Variants in BIRC6 observed in about 807,000 individuals in gnomAD.
The protein encoded by BIRC6 is baculoviral IAP repeat containing 6.
In BIRC6, 98 loss-of-function variants were observed where a neutral mutation model predicts 503.3. That is an observed-to-expected ratio of 0.19 (90% CI 0.17 to 0.23). The LOEUF (loss-of-function observed/expected upper bound fraction) is 0.23, where lower values mean the gene tolerates loss of function less well. Among genes scored for constraint, BIRC6 ranks in the 10% least tolerant of loss-of-function variants. BIRC6 has a pLI of 1.00. For synonymous variants in BIRC6, 2,240 were observed against 2,078.7 expected (o/e 1.08, Z -2.11); for missense variants, 5,360 against 5,806.0 (o/e 0.92, Z 2.50).
intron 21 of BIRC6, among the ~76,000 whole-genome samples, chr2:32,448,531 ATGGCAGGCACT>A (rs2046335907): frequency 6.6e-6 from 1 of 152,012 alleles, no homozygotes; most frequent in African/African-American, 2.4e-5. Context: ...CGCGCCTGCA[ATGGCAGGCACT>A]CGGCAGGCTG....
At chr2:32,455,223 CA>C (rs918498817) in intron 23 of BIRC6, among the ~76,000 whole-genome samples, 1 of 151,076 alleles carries the variant, frequency 6.6e-6, no homozygotes, top group East Asian at 1.9e-4. Context: ...CTAAAAAATA[CA>C]AAAAAAATTA....
At position 32,482,402 on chromosome 2, in the gene BIRC6, CCA is replaced by C. The variant is rs199652430; in HGVS notation, c.7543-24_7543-23del. On this transcript the variant is annotated intron_variant, in intron 38 of 73. Transcript: ENST00000421745. The stretch of plus-strand genomic sequence containing the variant: ...CATTCAGCCAAGAGGCAAAAATAAA[CCA>C]CAGTTTTTTTTCCATTCTTTTAAGC... 1.1e-3 allele frequency: 1,760 copies of C among 1,598,696 alleles called. 16 individuals carry two copies. In the African/African-American group the frequency reaches 0.019, roughly 18 times the overall value.
At chr2:32,412,078 C>T (rs1356423428) in intron 9 of BIRC6, among the ~76,000 whole-genome samples, 1 of 152,054 alleles carries the variant, frequency 6.6e-6, no homozygotes, top group Admixed American at 6.5e-5. Context: ...CACCACAACG[C>T]CTGGCTTTGT....
chr2:32,596,258 G>C (rs564186457), intron 68 of BIRC6, among the ~76,000 whole-genome samples: 1 of 151,782 alleles, frequency 6.6e-6, no homozygotes, highest in Non-Finnish European at 1.5e-5. Flanking sequence ...CGAGGTGGGC[G>C]GTCACGAGGT....
At chr2:32,609,705 G>A (rs960951269) in intron 72 of BIRC6, among the ~76,000 whole-genome samples, 4 of 148,890 alleles carry the variant, frequency 2.7e-5, no homozygotes, top group African/African-American at 7.5e-5. Flanking sequence ...TGCAAAGATC[G>A]CGCCACGGCA....
rs1448761256 is a variant in BIRC6, at chr2:32,487,812, A to T, written c.7968+11A>T. The T allele has an allele frequency of 6.2e-7, 1 of 1,600,912 alleles. No homozygotes were observed. The highest frequency in any genetic ancestry group is 2.2e-5 in the East Asian group (1 of 44,742). On this transcript the variant is annotated intron_variant, in intron 41 of 73. Coordinates refer to ENST00000421745, the MANE Select transcript of BIRC6 (RefSeq NM_016252.4). ...GTCCATCATGTTCAGGTATGACTTCAGGAGAAATGGTGTATTTTTACATAT... is the reference window on the plus strand; with the variant it reads ...GTCCATCATGTTCAGGTATGACTTCTGGAGAAATGGTGTATTTTTACATAT...
rs369749834 is a variant in BIRC6 at position 32,500,147 on chromosome 2, ATACTATAACTGG to A, written c.9031+40_9031+51del. On this transcript the variant is annotated intron_variant, in intron 46 of 73. Transcript: ENST00000421745. Reference sequence around the variant, plus strand: ...AATATTAATCTTACCATTGTCTCTGATACTATAACTGGTTTTTTTTTAAGCAATATATGGATT... The same window carrying A: ...AATATTAATCTTACCATTGTCTCTGATTTTTTTTTAAGCAATATATGGATT... 2,022 of 1,504,472 alleles carry A rather than the reference ATACTATAACTGG, an allele frequency of 1.3e-3. 16 individuals are homozygous for A. The African/African-American group carries it at 0.023, about 17-fold the overall frequency. 93.2% of individuals were successfully genotyped at this position (1,504,472 alleles called of 1,614,324 possible). A position where few individuals can be genotyped will look rare whatever the true frequency, so the allele number is the denominator to read the frequency against.
chr2:32,447,188 A>G (rs1357320178), intron 21 of BIRC6, among the ~76,000 whole-genome samples: 50 of 148,884 alleles, frequency 3.4e-4, no homozygotes, highest in Non-Finnish European at 6.7e-4. Flanking sequence ...CGATTTCTCA[A>G]TTTTTTCCCC....
chr2:32,491,304 A>T, intron 43 of BIRC6, 121 bp from the exon 44 acceptor site: 1 of 1,001,920 alleles, frequency 1.0e-6, no homozygotes, highest in Non-Finnish European at 1.4e-6. Flanking sequence ...AAACCCCTTT[A>T]ATAAACTGTA....
chr2:32,380,983 C>T (rs949403229), intron 3 of BIRC6, among the ~76,000 whole-genome samples: 1 of 152,094 alleles, frequency 6.6e-6, no homozygotes, highest in African/African-American at 2.4e-5. Context: ...TTTTGGCATA[C>T]TGGGATGTAT....
intron 65 of BIRC6, chr2:32,565,756 A>G (rs954508458): frequency 6.6e-6 from 1 of 152,264 alleles, no homozygotes; most frequent in Non-Finnish European, 1.5e-5. Flanking sequence ...GGAGACTTAC[A>G]ATCATGGCAG....
rs551237051 is a variant in BIRC6, at chr2:32,389,071, TAAAAA to T, written c.839+133_839+137del. The T allele has an allele frequency of 5.0e-5, 32 of 636,946 alleles. No homozygotes were observed. The African/African-American group carries it at 5.7e-4, about 11-fold the overall frequency. 39.5% of individuals were successfully genotyped at this position (636,946 alleles called of 1,614,324 possible). A position where few individuals can be genotyped will look rare whatever the true frequency, so the allele number is the denominator to read the frequency against. ...ACAATTTCTAGCCTAATTTTGAAAT[TAAAAA>T]AAAATCAATATGAATTAGAATCTGA... On this transcript the variant is annotated intron_variant, in intron 4 of 73. Transcript: ENST00000421745.
In BIRC6 at chr2:32,401,402, A is replaced by C; in HGVS notation, c.1257+17A>C. 3 of 1,613,136 alleles carry C rather than the reference A, an allele frequency of 1.9e-6. No individual in the cohort carries two copies. The highest frequency in any genetic ancestry group is 2.5e-6 in the Non-Finnish European group (3 of 1,179,234). On this transcript the variant is annotated intron_variant, in intron 7 of 73. Coordinates refer to ENST00000421745, the MANE Select transcript of BIRC6 (RefSeq NM_016252.4). ...CTTATGAAGGTATGTTTGAATTTTGAAGTAACAAATTAGTAATTGAAAAAA... is the reference window on the plus strand; with the variant it reads ...CTTATGAAGGTATGTTTGAATTTTGCAGTAACAAATTAGTAATTGAAAAAA...
chr2:32,371,353 A>G (rs1443497602), intron 1 of BIRC6, among the ~76,000 whole-genome samples: 2 of 151,286 alleles, frequency 1.3e-5, no homozygotes, highest in African/African-American at 2.4e-5. Context: ...ACATTTTGGC[A>G]TTTCTTTTTA....
intron 45 of BIRC6, among the ~76,000 whole-genome samples, chr2:32,498,201 A>G (rs924187381): frequency 2.0e-5 from 3 of 152,134 alleles, no homozygotes; most frequent in Non-Finnish European, 4.4e-5. Context: ...AGCTGGGATT[A>G]CAGGCTTCTG....
chr2:32,566,009 A>G (rs1431200880), intron 65 of BIRC6: 11 of 152,274 alleles, frequency 7.2e-5, no homozygotes, highest in Non-Finnish European at 2.9e-5. Context: ...ACCATATCAC[A>G]TAGTCTCCCT....
At chr2:32,435,675 C>G in intron 14 of BIRC6, 90 bp downstream of exon 14, 1 of 1,355,354 alleles carries the variant, frequency 7.4e-7, no homozygotes, top group Non-Finnish European at 9.7e-7. Context: ...TTATGGCTTG[C>G]AAAAACTTGG....
rs374496224 is a variant in BIRC6, at chr2:32,392,165, T to C, written c.951+15T>C. ...TTTATCATCAGGTAAAAAAAGAATA[T>C]AAAAAAATACTTTTCTCAGTAGGCC... On this transcript the variant is annotated intron_variant, in intron 5 of 73. Coordinates refer to ENST00000421745, the MANE Select transcript of BIRC6 (RefSeq NM_016252.4). The C allele has an allele frequency of 1.3e-6, 2 of 1,514,568 alleles. No homozygotes were observed. The highest frequency in any genetic ancestry group is 2.8e-5 in the African/African-American group (2 of 71,784). 93.8% of individuals were successfully genotyped at this position (1,514,568 alleles called of 1,614,324 possible).
At chr2:32,439,880 A>G (rs986259036) in intron 16 of BIRC6, among the ~76,000 whole-genome samples, 194 bp downstream of exon 16, 3 of 152,008 alleles carry the variant, frequency 2.0e-5, no homozygotes, top group Non-Finnish European at 4.4e-5. Flanking sequence ...ATTTCATTTT[A>G]TTTATTTTAG....
Sources: allele counts gnomAD v4.1 joint callset (sites outside exome capture counted in the v4.1 genomes callset), GRCh38; gene constraint gnomAD v4.1.1; transcripts MANE v1.5; gene names NCBI Gene and HGNC (gene_info 2026-07-23, HGNC 2026-07-21).